The following CDH18 variants were observed in gnomAD, a reference collection of about 807,000 sequenced individuals.
The protein encoded by CDH18 is cadherin-18.
CDH18 carries 31 observed loss-of-function variants against 67.9 expected under a neutral mutation model. The ratio of observed to expected loss-of-function variants is 0.46; its 90% CI spans 0.34 to 0.62. The LOEUF is 0.62. Among genes scored for constraint, CDH18 ranks in the 20% least tolerant of loss-of-function variants. The probability of loss-of-function intolerance (pLI) is 0.01; values close to 1 mark genes in which losing one functional copy is unlikely to be tolerated. For missense variants in CDH18, 890 were observed against 975.5 expected, an observed-to-expected ratio of 0.91 and a Z score of 1.17; for synonymous variants, 362 against 347.2, an observed-to-expected ratio of 1.04 and a Z score of -0.48.
Position 19,875,239 on chromosome 5 carries a change from T to A in CDH18, c.-256-35997A>T, listed in dbSNP as rs530507487. ...AGCGTTTGATATTTTGACCTAATAATATTTGACTAATAGGATTTGATGGGC... is the reference window on the plus strand; with the variant it reads ...AGCGTTTGATATTTTGACCTAATAAAATTTGACTAATAGGATTTGATGGGC... On this transcript the variant is annotated intron_variant, in intron 2 of 12. Coordinates refer to ENST00000382275, the MANE Select transcript of CDH18 (RefSeq NM_004934.5). 4.6e-5 allele frequency among the ~76,000 whole-genome samples: 7 copies of A among 152,316 alleles called. No individual in the cohort carries two copies. In the South Asian group the frequency reaches 1.4e-3, roughly 32 times the overall value.
intron 2 of CDH18, among the ~76,000 whole-genome samples, chr5:20,096,666 T>C (rs1338412823): frequency 2.6e-5 from 4 of 152,106 alleles, no homozygotes; most frequent in African/African-American, 4.8e-5. Flanking sequence ...GTCATTTACA[T>C]AAATTTTTAT....
At position 20,241,001 on chromosome 5, in the gene CDH18, CT is replaced by C. The variant is rs542619206; in HGVS notation, c.-518+14442del. ...TGAAAATGGCAATTATTATATTTTT[CT>C]TTTTTTATTTATGTAAATAAATTAC... On this transcript the variant is annotated intron_variant, in intron 2 of 14. Coordinates refer to the CDH18 transcript ENST00000507958. Among the ~76,000 whole-genome samples the C allele has an allele frequency of 5.6e-3, 850 of 152,164 alleles. 10 individuals carry two copies. The highest frequency in any genetic ancestry group is 0.019 in the African/African-American group (805 of 41,526).
intron 2 of CDH18, among the ~76,000 whole-genome samples, chr5:20,129,421 T>A (rs2126465342): frequency 6.6e-6 from 1 of 152,178 alleles, no homozygotes; most frequent in African/African-American, 2.4e-5. Flanking sequence ...TTGACAAAAA[T>A]TTCCTATTAA....
At chr5:20,360,591 A>G (rs1421229601) in intron 1 of CDH18, among the ~76,000 whole-genome samples, 4 of 152,166 alleles carry the variant, frequency 2.6e-5, no homozygotes, top group Admixed American at 6.6e-5. Flanking sequence ...AATATTCCTT[A>G]AAATTGAATC....
intron 2 of CDH18, among the ~76,000 whole-genome samples, chr5:20,031,832 T>G (rs1739425568): frequency 6.6e-6 from 1 of 152,106 alleles, no homozygotes; most frequent in Non-Finnish European, 1.5e-5. Context: ...GGTGGAAGTA[T>G]ATTATTACAG....
chr5:19,524,795 G>C (rs574894975), intron 9 of CDH18, among the ~76,000 whole-genome samples: 165 of 152,182 alleles, frequency 1.1e-3, no homozygotes, highest in Non-Finnish European at 2.1e-3. Flanking sequence ...GCCCAGGCTG[G>C]AGTGCAGTGG....
chr5:20,363,343 G>GGT (rs1347033414), intron 1 of CDH18, among the ~76,000 whole-genome samples: 1 of 152,050 alleles, frequency 6.6e-6, no homozygotes, highest in Non-Finnish European at 1.5e-5. Flanking sequence ...AAGTAAGCCA[G>GGT]GTGTGGTGGC....
At chr5:20,188,070 T>A (rs1351412206) in intron 2 of CDH18, among the ~76,000 whole-genome samples, 1 of 151,934 alleles carries the variant, frequency 6.6e-6, no homozygotes, top group Non-Finnish European at 1.5e-5. Flanking sequence ...TTGATGTAAC[T>A]AACAAATATT....
intron 2 of CDH18, among the ~76,000 whole-genome samples, chr5:20,251,324 A>G (rs189056615): frequency 1.3e-5 from 2 of 152,234 alleles, no homozygotes; most frequent in Admixed American, 1.3e-4. Flanking sequence ...AAACACACCC[A>G]CCCACTGTAT....
chr5:19,838,941 G>A lies in CDH18; in HGVS notation c.46C>T (p.Leu16Phe). Residue 16 changes from leucine to phenylalanine, a missense_variant, in exon 3 of 13, where the codon CTC becomes TTC. Coordinates refer to ENST00000382275, the MANE Select transcript of CDH18 (RefSeq NM_004934.5). The part of the protein sequence containing the change: ...TSCICPVLVC[L>F]CFVQRCYGTA... ...CCATAACACCTCTGCACAAAACAGA[G>A]ACACACTAGGACTGGACAGATGCAA... 1.2e-6 allele frequency: 2 copies of A among 1,614,090 alleles called. No homozygotes were observed. The highest frequency in any genetic ancestry group is 1.7e-6 in the Non-Finnish European group (2 of 1,179,932).
intron 1 of CDH18, among the ~76,000 whole-genome samples, chr5:20,500,435 A>T (rs1754188129): frequency 6.6e-6 from 1 of 152,172 alleles, no homozygotes; most frequent in African/African-American, 2.4e-5. Context: ...CTGGACTATA[A>T]CACTAATTAT....
chr5:19,568,268 G>C (rs1228163305), intron 8 of CDH18, among the ~76,000 whole-genome samples: 2 of 152,114 alleles, frequency 1.3e-5, no homozygotes, highest in African/African-American at 4.8e-5. Flanking sequence ...ATAGTAAACA[G>C]TAATCCACGA....
At position 19,594,176 on chromosome 5, in the gene CDH18, T is replaced by A. The variant is rs189755042; in HGVS notation, c.812-2932A>T. ...TTGTTTGTTTTGTTTTGTTTTGTTT[T>A]TTGACACGGAATCTCACTCTGGCTG... On this transcript the variant is annotated intron_variant, in intron 6 of 12. Transcript: ENST00000382275. 8.5e-5 allele frequency among the ~76,000 whole-genome samples: 13 copies of A among 152,218 alleles called. No homozygotes were observed. The East Asian group carries it at 2.3e-3, about 27-fold the overall frequency.
chr5:20,409,679 G>C (rs1302160273), intron 1 of CDH18, among the ~76,000 whole-genome samples: 1 of 151,248 alleles, frequency 6.6e-6, no homozygotes, highest in Non-Finnish European at 1.5e-5. Flanking sequence ...AGCCAATAGA[G>C]AATGTAAAAC....
At chr5:19,523,359 C>A (rs1747232473) in intron 9 of CDH18, among the ~76,000 whole-genome samples, 1 of 152,034 alleles carries the variant, frequency 6.6e-6, no homozygotes, top group Non-Finnish European at 1.5e-5. Flanking sequence ...AACATGATTT[C>A]TTACTCATTT....
At chr5:20,046,102 C>G (rs575567515) in intron 2 of CDH18, among the ~76,000 whole-genome samples, 83 of 151,850 alleles carry the variant, frequency 5.5e-4, no homozygotes, top group African/African-American at 1.9e-3. Context: ...GATGCTATTA[C>G]AAAAGTCCAG....
chr5:20,019,593 T>C (rs1738215262), intron 2 of CDH18, among the ~76,000 whole-genome samples: 1 of 152,208 alleles, frequency 6.6e-6, no homozygotes, highest in Non-Finnish European at 1.5e-5. Flanking sequence ...ATATACAGCA[T>C]ACCTGCTTCC....
At chr5:19,933,059 G>A (rs1793880186) in intron 2 of CDH18, among the ~76,000 whole-genome samples, 2 of 151,278 alleles carry the variant, frequency 1.3e-5, no homozygotes, top group African/African-American at 4.8e-5. Flanking sequence ...CTGTAATGCA[G>A]GTCTTTATTC....
At chr5:19,694,405 A>T (rs567254349) in intron 5 of CDH18, among the ~76,000 whole-genome samples, 1 of 152,280 alleles carries the variant, frequency 6.6e-6, no homozygotes, top group African/African-American at 2.4e-5. Context: ...TCATATGCTC[A>T]CATATTGTGA....
Sources: gnomAD v4.1 joint callset for allele counts (sites outside exome capture counted in the v4.1 genomes callset) on GRCh38, gnomAD v4.1.1 for gene constraint, MANE v1.5 for transcripts, NCBI Gene and HGNC (gene_info 2026-07-23, HGNC 2026-07-21) for gene names.